The following KCNH1 variants were observed in gnomAD, a reference collection of about 807,000 sequenced individuals.
KCNH1 encodes potassium voltage-gated channel subfamily H member 1.
In KCNH1, 27 loss-of-function variants were observed where a neutral mutation model predicts 69.2. The ratio of observed to expected loss-of-function variants is 0.39; its 90% confidence interval spans 0.29 to 0.54. The LOEUF is 0.54. Ranked by LOEUF, KCNH1 falls within the 20% of genes least tolerant of loss-of-function variation. The pLI, the probability that KCNH1 is intolerant of heterozygous loss-of-function variation, is 0.68. For synonymous variants in KCNH1, 456 were observed against 487.7 expected (o/e 0.93, Z 0.86); for missense variants, 798 against 1,261.6 (o/e 0.63, Z 5.57).
intron 2 of KCNH1, among the ~76,000 whole-genome samples, chr1:211,104,047 C>G (rs1691310397): frequency 6.6e-6 from 1 of 152,188 alleles, no homozygotes; most frequent in African/African-American, 2.4e-5. Flanking sequence ...AGACAAGCAA[C>G]TGCAAAGGCA....
chr1:211,062,599 C>G (rs1690450270), intron 5 of KCNH1, among the ~76,000 whole-genome samples: 1 of 152,094 alleles, frequency 6.6e-6, no homozygotes, highest in African/African-American at 2.4e-5. Flanking sequence ...ATATGGAACT[C>G]AAACAACTCT....
At chr1:211,060,764 G>A (rs1690421065) in intron 5 of KCNH1, among the ~76,000 whole-genome samples, 1 of 152,088 alleles carries the variant, frequency 6.6e-6, no homozygotes, top group Non-Finnish European at 1.5e-5. Flanking sequence ...GAGCCATGAA[G>A]TAATCCAAAA....
At chr1:210,828,746 A>G (rs1328690415) in intron 7 of KCNH1, among the ~76,000 whole-genome samples, 4 of 151,964 alleles carry the variant, frequency 2.6e-5, no homozygotes, top group African/African-American at 9.7e-5. Context: ...TTGGGGTGCT[A>G]CTCCTGTATG....
intron 6 of KCNH1, among the ~76,000 whole-genome samples, chr1:210,942,109 A>T (rs894877200): frequency 1.3e-5 from 2 of 152,258 alleles, no homozygotes; most frequent in Non-Finnish European, 2.9e-5. Context: ...GTAAATATAT[A>T]GTTCCAAAGT....
intron 10 of KCNH1, among the ~76,000 whole-genome samples, chr1:210,725,004 G>T (rs1411629422): frequency 6.6e-6 from 1 of 152,172 alleles, no homozygotes; most frequent in Non-Finnish European, 1.5e-5. Flanking sequence ...CCTGAGGGTA[G>T]GAGCCACCAT....
intron 10 of KCNH1, among the ~76,000 whole-genome samples, chr1:210,701,008 G>T (rs1389810586): frequency 6.6e-6 from 1 of 152,048 alleles, no homozygotes; most frequent in Non-Finnish European, 1.5e-5. Flanking sequence ...CGCGATCTCG[G>T]CTCACTGCAA....
intron 7 of KCNH1, among the ~76,000 whole-genome samples, chr1:210,836,592 A>T (rs1475969076): frequency 6.6e-6 from 1 of 152,168 alleles, no homozygotes; most frequent in Non-Finnish European, 1.5e-5. Context: ...CTAAACAGAG[A>T]CTATCCCCAT....
At chr1:210,993,050 T>C (rs994409696) in intron 6 of KCNH1, among the ~76,000 whole-genome samples, 9 of 152,214 alleles carry the variant, frequency 5.9e-5, no homozygotes, top group African/African-American at 2.2e-4. Flanking sequence ...CGCTGTGATC[T>C]GACAGTGGAG....
chr1:210,734,404 G>A (rs1230654497), intron 10 of KCNH1, among the ~76,000 whole-genome samples: 1 of 152,050 alleles, frequency 6.6e-6, no homozygotes, highest in Non-Finnish European at 1.5e-5. Context: ...TGTCCCAGAA[G>A]GTACAGGGAG....
intron 10 of KCNH1, among the ~76,000 whole-genome samples, chr1:210,762,173 G>A (rs190394741): frequency 1.5e-4 from 23 of 151,998 alleles, no homozygotes; most frequent in South Asian, 6.3e-4. Flanking sequence ...AAAATTCTTC[G>A]AAACAAATGA....
rs551463375 is a variant in KCNH1, at chr1:210,889,973, G to A, written c.1462+29667C>T. Among the ~76,000 whole-genome samples, 98 of 152,244 alleles carry A rather than the reference G, an allele frequency of 6.4e-4. 1 individual carries two copies. The highest frequency in any genetic ancestry group is 9.0e-4 in the Non-Finnish European group (61 of 68,006). On this transcript the variant is annotated intron_variant, in intron 7 of 10. Transcript: ENST00000271751. ...CATGAAAATGGCCATACTGCCCAAAGTAATTCATAAATTCAATGCTATCCC... is the reference window on the plus strand; with the variant it reads ...CATGAAAATGGCCATACTGCCCAAAATAATTCATAAATTCAATGCTATCCC...
At chr1:210,712,172 T>C (rs1398415728) in intron 10 of KCNH1, among the ~76,000 whole-genome samples, 1 of 152,198 alleles carries the variant, frequency 6.6e-6, no homozygotes, top group Non-Finnish European at 1.5e-5. Context: ...ATAGTAATCG[T>C]ACATCTCCAG....
chr1:210,991,062 A>G (rs1269397313), intron 6 of KCNH1, among the ~76,000 whole-genome samples: 3 of 152,192 alleles, frequency 2.0e-5, no homozygotes, highest in African/African-American at 7.2e-5. Flanking sequence ...AAAAAAACTA[A>G]AAATAAAATT....
At chr1:210,967,494 A>G (rs1177577827) in intron 6 of KCNH1, among the ~76,000 whole-genome samples, 2 of 141,232 alleles carry the variant, frequency 1.4e-5, no homozygotes, top group African/African-American at 2.5e-5. Context: ...TATGAGGGAG[A>G]AAAAAAATCA....
intron 10 of KCNH1, among the ~76,000 whole-genome samples, chr1:210,715,933 C>T (rs1367849423): frequency 6.6e-6 from 1 of 152,058 alleles, no homozygotes; most frequent in African/African-American, 2.4e-5. Flanking sequence ...AGGAGAAGCT[C>T]CAGGGGACAT....
chr1:210,862,799 A>G (rs1686007817), intron 7 of KCNH1, among the ~76,000 whole-genome samples: 1 of 152,234 alleles, frequency 6.6e-6, no homozygotes, highest in African/African-American at 2.4e-5. Flanking sequence ...CATTAGAGAA[A>G]TGTTCAGGAA....
intron 3 of KCNH1, among the ~76,000 whole-genome samples, chr1:211,092,827 C>A (rs967829206): frequency 1.4e-5 from 2 of 146,028 alleles, no homozygotes; most frequent in African/African-American, 5.1e-5. Context: ...CAAAAAAAAC[C>A]TTTTTTTTTT....
chr1:211,028,325 A>G (rs1191115536), intron 5 of KCNH1, among the ~76,000 whole-genome samples: 4 of 152,094 alleles, frequency 2.6e-5, no homozygotes, highest in African/African-American at 4.8e-5. Context: ...ACAAAAAGGG[A>G]AATGTTTATC....
At chr1:210,825,163 A>T (rs778583324) in intron 7 of KCNH1, among the ~76,000 whole-genome samples, 1 of 152,198 alleles carries the variant, frequency 6.6e-6, no homozygotes, top group Non-Finnish European at 1.5e-5. Flanking sequence ...CCAAATCTGA[A>T]TAACCATAGT....
Sources: gnomAD v4.1 joint callset for allele counts (sites outside exome capture counted in the v4.1 genomes callset) on GRCh38, gnomAD v4.1.1 for gene constraint, MANE v1.5 for transcripts, NCBI Gene and HGNC (gene_info 2026-07-23, HGNC 2026-07-21) for gene names.